Variants in STRA6 observed in about 807,000 individuals in gnomAD.
STRA6 encodes the protein signaling receptor and transporter of retinol STRA6.
Under a neutral mutation model 83.6 loss-of-function variants are expected in STRA6, and 48 were observed. The ratio of observed to expected loss-of-function variants is 0.57; its 90% CI spans 0.46 to 0.73. The LOEUF (loss-of-function observed/expected upper bound fraction) is 0.73. Among genes scored for constraint, STRA6 ranks in the 30% least tolerant of loss-of-function variants. STRA6 has a pLI of 0.00. For synonymous variants in STRA6, 353 were observed against 362.3 expected (o/e 0.97, Z 0.29); for missense variants, 760 against 838.8 (o/e 0.91, Z 1.16).
chr15:74,197,685 G>A (rs1298336469), intron 3 of STRA6, 67 bp downstream of exon 3: 2 of 1,581,118 alleles, frequency 1.3e-6, no homozygotes, highest in African/African-American at 1.3e-5. Flanking sequence ...CCCCAGTGGG[G>A]AACACAGGTC....
chr15:74,182,198 G>T lies in STRA6; in HGVS notation c.1483C>A (p.Leu495Met). 6.2e-7 allele frequency: 1 copy of T among 1,614,196 alleles called. No individual in the cohort carries two copies. Residue 495 changes from leucine to methionine, a missense_variant, in exon 16 of 19, where the codon CTG becomes ATG. Physicochemically the swap from Leu to Met is conservative, Grantham distance 15. Transcript: ENST00000395105. ...TGTGGGTGTCCATCATGAGTCTCCA[G>T]GAAGACCCAATGGGCTGCCATGTTC... ...LQNMAAHWVF[L>M]ETHDGHPQLT... is the part of the protein sequence containing the mutation.
chr15:74,189,293 A>G lies in STRA6; in HGVS notation c.928-16T>C. 6.3e-7 allele frequency: 1 copy of G among 1,581,812 alleles called. No individual in the cohort carries two copies. Among genetic ancestry groups the G allele is most frequent in the Non-Finnish European group, 8.6e-7 (1 of 1,163,812 alleles). On this transcript the variant is annotated splice_polypyrimidine_tract_variant and intron_variant, in intron 11 of 18. Coordinates refer to ENST00000395105, the MANE Select transcript of STRA6 (RefSeq NM_022369.4). ...GCAGGGCCACCTGGAAGAGCCCCACAGTGAGGGCCCCATCCCAGGAAAGGG... is the reference window on the plus strand; with the variant it reads ...GCAGGGCCACCTGGAAGAGCCCCACGGTGAGGGCCCCATCCCAGGAAAGGG...
chr15:74,201,316 A>G (rs1452291153), intron 2 of STRA6, among the ~76,000 whole-genome samples: 1 of 152,110 alleles, frequency 6.6e-6, no homozygotes, highest in East Asian at 1.9e-4. Context: ...CCCCAGCCTC[A>G]CCTTTCTACT....
Position 74,197,335 on chromosome 15 carries a change from A to G in STRA6, c.266+3T>C. The G allele has an allele frequency of 6.5e-7, 1 of 1,549,200 alleles. No individual in the cohort carries two copies. The highest frequency in any genetic ancestry group is 8.7e-7 in the Non-Finnish European group (1 of 1,145,962). ...GTGGGGGTGCCCAGGCCATGGTACA[A>G]ACCTGGGCAGGCCGGGCCTGCCACG... On this transcript the variant is annotated splice_donor_region_variant and intron_variant, in intron 4 of 18. Transcript: ENST00000395105.
At chr15:74,206,491 G>A (rs1229446569), upstream of STRA6, among the ~76,000 whole-genome samples, 1 of 152,214 alleles carries the variant, frequency 6.6e-6, no homozygotes, top group Non-Finnish European at 1.5e-5. Flanking sequence ...ATGTGCCCCT[G>A]AAGAATTTCT....
intron 4 of STRA6, 117 bp downstream of exon 4, chr15:74,197,221 T>A (rs1300756270): frequency 1.4e-6 from 1 of 732,142 alleles, no homozygotes; most frequent in African/African-American, 1.7e-5. Flanking sequence ...CTGAGGGCGA[T>A]AGGGATGTCA....
At chr15:74,204,582 G>A (rs567299610), upstream of STRA6, among the ~76,000 whole-genome samples, 6 of 152,324 alleles carry the variant, frequency 3.9e-5, no homozygotes, top group African/African-American at 1.4e-4. Flanking sequence ...CAGACAGGGA[G>A]CCCACTCCCT....
chr15:74,194,148 C>T (rs2073694567), intron 7 of STRA6, among the ~76,000 whole-genome samples: 1 of 149,818 alleles, frequency 6.7e-6, no homozygotes, highest in African/African-American at 2.4e-5. Flanking sequence ...TCCTGGATCC[C>T]CACGGGCCTG....
chr15:74,193,710 A>G (rs1208278651), intron 8 of STRA6, 90 bp downstream of exon 8: 14 of 1,585,856 alleles, frequency 8.8e-6, no homozygotes, highest in Non-Finnish European at 1.2e-5. Context: ...CCCTACATCA[A>G]GCACGGCCAT....
intron 3 of STRA6, 156 bp downstream of exon 3, chr15:74,197,596 C>A: frequency 8.5e-7 from 1 of 1,180,432 alleles, no homozygotes; most frequent in Admixed American, 2.0e-5. Flanking sequence ...GGACTTGCAT[C>A]CTGGTTTGGG....
intron 12 of STRA6, among the ~76,000 whole-genome samples, chr15:74,185,394 C>T (rs1384030267): frequency 6.6e-6 from 1 of 152,240 alleles, no homozygotes; most frequent in African/African-American, 2.4e-5. Flanking sequence ...GGCCATGTGG[C>T]CTTCAGGAGG....
chr15:74,202,762 A>G lies in STRA6; in HGVS notation c.-65T>C. On this transcript the variant is annotated 5_prime_UTR_variant, in exon 1 of 19. Transcript: ENST00000395105. ...GAGTTGCAGAGATGAAAGGGTAGGC[A>G]GCCCACGGCCAGCTCCGCACTGCCT... 8.3e-7 allele frequency: 1 copy of G among 1,202,414 alleles called. No individual in the cohort carries two copies. Among genetic ancestry groups the G allele is most frequent in the Non-Finnish European group, 1.0e-6 (1 of 969,150 alleles). 74.5% of individuals were successfully genotyped at this position (1,202,414 alleles called of 1,614,324 possible).
intron 8 of STRA6, among the ~76,000 whole-genome samples, chr15:74,192,418 C>T (rs531286301): frequency 1.2e-4 from 19 of 152,220 alleles, no homozygotes; most frequent in South Asian, 6.2e-4. Context: ...ACGTGGGAGC[C>T]GAGTCTGGAG....
At chr15:74,207,680 A>T (rs1269717585), upstream of STRA6, 8 of 1,533,304 alleles carry the variant, frequency 5.2e-6, no homozygotes, top group African/African-American at 9.6e-5. Flanking sequence ...GAGTGGGGGG[A>T]TGGCCACTGT....
chr15:74,194,753 G>A, intron 7 of STRA6: 1 of 1,258,638 alleles, frequency 7.9e-7, no homozygotes, highest in East Asian at 2.9e-5. Flanking sequence ...GTGAGTGAAT[G>A]AATGAAGTGG....
chr15:74,190,675 C>T (rs1217382038), intron 11 of STRA6, among the ~76,000 whole-genome samples, 165 bp downstream of exon 11: 1 of 152,054 alleles, frequency 6.6e-6, no homozygotes, highest in Non-Finnish European at 1.5e-5. Context: ...AGAGTGAACA[C>T]CCCGGCCCTT....
At chr15:74,190,421 CG>C (rs1359767846) in intron 11 of STRA6, among the ~76,000 whole-genome samples, 2 of 148,350 alleles carry the variant, frequency 1.3e-5, no homozygotes, top group Non-Finnish European at 3.0e-5. Flanking sequence ...TTGGTTTTTT[CG>C]GGGTTTTTTT....
chr15:74,207,673 TG>T (rs1216022775), upstream of STRA6: 5 of 1,530,394 alleles, frequency 3.3e-6, no homozygotes, highest in South Asian at 4.8e-5. Context: ...GTTCCAGGAG[TG>T]GGGGGATGGC....
At chr15:74,191,574 C>G in intron 8 of STRA6, 83 bp from the exon 9 acceptor site, 1 of 1,230,918 alleles carries the variant, frequency 8.1e-7, no homozygotes, top group Non-Finnish European at 1.2e-6. Context: ...CTAGAGTGTT[C>G]ACCAAGCAGG....
Sources: allele counts gnomAD v4.1 joint callset (sites outside exome capture counted in the v4.1 genomes callset), GRCh38; gene constraint gnomAD v4.1.1; transcripts MANE v1.5; gene names NCBI Gene and HGNC (gene_info 2026-07-23, HGNC 2026-07-21).